The following ZFP1 variants were observed in gnomAD, a reference collection of about 807,000 sequenced individuals.
The protein encoded by ZFP1 is ZFP1 zinc finger protein.
In ZFP1, 32 loss-of-function variants were observed where a neutral mutation model predicts 38.5. The ratio of observed to expected loss-of-function variants is 0.83; its 90% CI spans 0.63 to 1.12. ZFP1 has a LOEUF of 1.12. Ranked by LOEUF, ZFP1 falls within the 50% of genes most tolerant of loss-of-function variation. The probability of loss-of-function intolerance (pLI) is 0.00; values close to 1 mark genes in which losing one functional copy is unlikely to be tolerated. For synonymous variants in ZFP1, 245 were observed against 168.8 expected (o/e 1.45, Z -3.50); for missense variants, 616 against 480.8 (o/e 1.28, Z -2.63).
In ZFP1 at chr16:75,169,540, C is replaced by G; in HGVS notation, c.430C>G (p.Leu144Val). 1.2e-6 allele frequency: 2 copies of G among 1,612,664 alleles called. No homozygotes were observed. The highest frequency in any genetic ancestry group is 1.7e-6 in the Non-Finnish European group (2 of 1,179,756). The change falls in exon 4 of 4, where the codon CTG becomes GTG. Residue 144 changes from leucine to valine, a missense_variant. Leu to Val is a conservative substitution (Grantham distance 32, BLOSUM62 1). Transcript: ENST00000570010. ...TGAATTTGGAAAAGCACTTCTCTAC[C>G]TGAAGCAAGAGAAAACCCACAGTGG... ...CNEFGKALLY[L>V]KQEKTHSGVE...
At chr16:75,169,075 C>G (rs1328409832) in intron 3 of ZFP1, among the ~76,000 whole-genome samples, 178 bp from the exon 4 acceptor site, 1 of 152,138 alleles carries the variant, frequency 6.6e-6, no homozygotes, top group African/African-American at 2.4e-5. Context: ...CAAGCTATTA[C>G]CTTTCTCTTT....
At chr16:75,120,623 T>A in the ZFP1 span, among the ~76,000 whole-genome samples, 1 of 152,088 alleles carries the variant, frequency 6.6e-6, no homozygotes, top group East Asian at 1.9e-4. Context: ...TTGTTTTGAG[T>A]CTGAGTTTCA....
At chr16:75,129,366 A>G in the ZFP1 span, among the ~76,000 whole-genome samples, 1 of 152,184 alleles carries the variant, frequency 6.6e-6, no homozygotes, top group Non-Finnish European at 1.5e-5. Flanking sequence ...AAGATTTTTA[A>G]AAAGAAAAAG....
rs549463770 is a variant in ZFP1, at chr16:75,169,607, G to C, written c.497G>C (p.Ser166Thr). 1 of 1,594,348 alleles carries C rather than the reference G, an allele frequency of 6.3e-7. No homozygotes were observed. Among genetic ancestry groups the C allele is most frequent in the African/African-American group, 1.4e-5 (1 of 73,516 alleles). Reference protein sequence around the residue: ...SEYNKSGKALSHKAAIFKHQK... With the variant: ...SEYNKSGKALTHKAAIFKHQK... Reference sequence around the variant, plus strand: ...TACAATAAAAGTGGAAAAGCCCTCAGCCATAAAGCAGCCATTTTTAAACAT... The same window carrying C: ...TACAATAAAAGTGGAAAAGCCCTCACCCATAAAGCAGCCATTTTTAAACAT... Residue 166 changes from serine to threonine, a missense_variant, in exon 4 of 4, where the codon AGC becomes ACC. Transcript: ENST00000570010.
At chr16:75,167,395 CCTTTT>C (rs1454743213) in intron 3 of ZFP1, among the ~76,000 whole-genome samples, 2 of 117,636 alleles carry the variant, frequency 1.7e-5, no homozygotes, top group East Asian at 2.0e-4. Context: ...TCCCTGCTTA[CCTTTT>C]TTTTTTTCCT....
chr16:75,161,950 A>G (rs930176468), intron 2 of ZFP1, among the ~76,000 whole-genome samples: 56 of 147,662 alleles, frequency 3.8e-4, no homozygotes, highest in African/African-American at 1.4e-3. Flanking sequence ...GTGCCCGGCT[A>G]ATTTTTGTAT....
chr16:75,161,772 ATATTTTTTT>A lies in ZFP1; in HGVS notation c.16-4996_16-4988del, dbSNP rs1240561104. 1.1e-3 allele frequency among the ~76,000 whole-genome samples: 8 copies of A among 7,236 alleles called. 1 individual carries two copies. Among genetic ancestry groups the A allele is most frequent in the African/African-American group, 3.0e-3 (8 of 2,658 alleles). The allele number at this position is 7,236 out of a possible 152,430, so 4.7% of individuals were successfully genotyped here. On this transcript the variant is annotated intron_variant, in intron 2 of 3. Transcript: ENST00000570010. ...AGTTTTATGAAATATATATATATAT[ATATTTTTTT>A]TTTTTTTTTTTTTTTTTTTCCTGAG...
intron 1 of ZFP1, among the ~76,000 whole-genome samples, chr16:75,150,205 A>C (rs916531508): frequency 1.6e-5 from 2 of 123,940 alleles, no homozygotes; most frequent in Non-Finnish European, 3.2e-5. Flanking sequence ...GAGATTTTCC[A>C]GATCTTTTTT....
At chr16:75,119,276 G>C in the ZFP1 span, among the ~76,000 whole-genome samples, 1 of 152,194 alleles carries the variant, frequency 6.6e-6, no homozygotes, top group Non-Finnish European at 1.5e-5. Context: ...GTACCAGCTT[G>C]AGCTATCTTT....
the ZFP1 span, among the ~76,000 whole-genome samples, chr16:75,127,500 TA>T: frequency 1.3e-5 from 2 of 152,130 alleles, no homozygotes; most frequent in African/African-American, 4.8e-5. Context: ...TTTGTATGTT[TA>T]GTAGAGATGG....
chr16:75,167,342 C>T (rs566296366), intron 3 of ZFP1, among the ~76,000 whole-genome samples: 5 of 152,140 alleles, frequency 3.3e-5, no homozygotes, highest in Admixed American at 1.3e-4. Flanking sequence ...GGACAGATGA[C>T]CTGTACCTCA....
the ZFP1 span, among the ~76,000 whole-genome samples, chr16:75,130,043 C>A: frequency 6.6e-6 from 1 of 152,112 alleles, no homozygotes; most frequent in Non-Finnish European, 1.5e-5. Context: ...GTCGCCCAAG[C>A]TGGAGTGCAG....
chr16:75,123,447 G>GTATATGTA, the ZFP1 span, among the ~76,000 whole-genome samples: 1 of 16,442 alleles, frequency 6.1e-5, no homozygotes, highest in Non-Finnish European at 1.5e-4. Context: ...GTGTGTGTGT[G>GTATATGTA]TGTATATGTA....
At chr16:75,139,414 G>A in the ZFP1 span, among the ~76,000 whole-genome samples, 1 of 149,258 alleles carries the variant, frequency 6.7e-6, no homozygotes, top group Non-Finnish European at 1.5e-5. Flanking sequence ...AGAGCCAGTC[G>A]GGCCTGGGGG....
chr16:75,126,929 G>A, the ZFP1 span, among the ~76,000 whole-genome samples: 2 of 152,096 alleles, frequency 1.3e-5, no homozygotes, highest in Non-Finnish European at 2.9e-5. Context: ...AATATAAAAT[G>A]GTGTTTGGTT....
intron 2 of ZFP1, among the ~76,000 whole-genome samples, chr16:75,159,400 T>C (rs2037649350): frequency 3.4e-5 from 2 of 59,126 alleles, no homozygotes; most frequent in Admixed American, 2.3e-4. Context: ...TCTCTCTCTC[T>C]CACTTTTCAT....
At chr16:75,132,194 C>T in the ZFP1 span, among the ~76,000 whole-genome samples, 3 of 151,996 alleles carry the variant, frequency 2.0e-5, no homozygotes, top group Non-Finnish European at 4.4e-5. Flanking sequence ...TTGAGACCAG[C>T]CTGGGCAACA....
At chr16:75,131,399 A>G in the ZFP1 span, among the ~76,000 whole-genome samples, 1 of 152,180 alleles carries the variant, frequency 6.6e-6, no homozygotes, top group African/African-American at 2.4e-5. Flanking sequence ...GCTCAGGACC[A>G]TCCTGGAGTG....
the ZFP1 span, among the ~76,000 whole-genome samples, chr16:75,138,576 G>A: frequency 6.6e-6 from 1 of 152,206 alleles, no homozygotes; most frequent in Non-Finnish European, 1.5e-5. Flanking sequence ...TGCAAATAGT[G>A]ATTGCAGATG....
Sources: allele counts gnomAD v4.1 joint callset (sites outside exome capture counted in the v4.1 genomes callset), GRCh38; gene constraint gnomAD v4.1.1; transcripts MANE v1.5; gene names NCBI Gene and HGNC (gene_info 2026-07-23, HGNC 2026-07-21).